The following BOLL variants were observed in gnomAD, a reference collection of about 807,000 sequenced individuals.
BOLL encodes protein boule-like.
BOLL carries 23 observed loss-of-function variants against 44.4 expected under a neutral mutation model. The observed-to-expected ratio is 0.52, with a 90% CI of 0.37 to 0.73. The LOEUF (loss-of-function observed/expected upper bound fraction) is 0.73. Ranked by LOEUF, BOLL falls within the 30% of genes least tolerant of loss-of-function variation. BOLL has a pLI of 0.00. For synonymous variants in BOLL, 97 were observed against 110.8 expected, an observed-to-expected ratio of 0.88 and a Z score of 0.78; for missense variants, 287 against 338.3, an observed-to-expected ratio of 0.85 and a Z score of 1.19.
chr2:197,729,146 G>A (rs1201443427), intron 10 of BOLL, among the ~76,000 whole-genome samples: 2 of 152,220 alleles, frequency 1.3e-5, no homozygotes, highest in Admixed American at 6.5e-5. Context: ...AGCAGGGCGA[G>A]GCATTGCCTC....
At chr2:197,742,700 A>G (rs1687806499) in intron 10 of BOLL, among the ~76,000 whole-genome samples, 1 of 152,200 alleles carries the variant, frequency 6.6e-6, no homozygotes, top group African/African-American at 2.4e-5. Flanking sequence ...GCATTAGGAG[A>G]TATGCCTAAT....
intron 6 of BOLL, among the ~76,000 whole-genome samples, chr2:197,770,743 A>G (rs1301124996): frequency 1.3e-5 from 2 of 152,216 alleles, no homozygotes; most frequent in East Asian, 1.9e-4. Flanking sequence ...AGACACATGA[A>G]AAAATGCTCA....
intron 10 of BOLL, among the ~76,000 whole-genome samples, chr2:197,729,123 G>C (rs185935372): frequency 5.3e-5 from 8 of 152,332 alleles, no homozygotes; most frequent in Admixed American, 2.6e-4. Context: ...TGCGTGCACC[G>C]TGCGCAAGCT....
At chr2:197,731,841 A>G (rs1559387571) in intron 10 of BOLL, among the ~76,000 whole-genome samples, 1 of 151,786 alleles carries the variant, frequency 6.6e-6, no homozygotes, top group Non-Finnish European at 1.5e-5. Context: ...TTATAGCACT[A>G]AATGCCCACA....
At chr2:197,770,673 A>G (rs1689204493) in intron 6 of BOLL, among the ~76,000 whole-genome samples, 1 of 152,222 alleles carries the variant, frequency 6.6e-6, no homozygotes, top group Non-Finnish European at 1.5e-5. Context: ...CAACCCCATC[A>G]AAAAGTGGGT....
chr2:197,770,251 T>G (rs1689182908), intron 6 of BOLL, among the ~76,000 whole-genome samples: 3 of 152,148 alleles, frequency 2.0e-5, no homozygotes, highest in Admixed American at 2.0e-4. Context: ...GGGGAAAGGA[T>G]TCCCTATTTA....
chr2:197,785,816 G>A (rs896543638), upstream of BOLL, among the ~76,000 whole-genome samples: 2 of 152,234 alleles, frequency 1.3e-5, no homozygotes, highest in South Asian at 2.1e-4. The surrounding 1 kb of genome is among the most constrained non-coding windows in gnomAD (Gnocchi z 6.7). Flanking sequence ...GTCTGCGGGC[G>A]GGTGGCTCCT....
chr2:197,729,653 C>T (rs1366901362), intron 10 of BOLL, among the ~76,000 whole-genome samples: 1 of 152,046 alleles, frequency 6.6e-6, no homozygotes, highest in Non-Finnish European at 1.5e-5. Flanking sequence ...GGGTCCCTGA[C>T]CCCTGACCCC....
intron 5 of BOLL, among the ~76,000 whole-genome samples, chr2:197,772,670 A>G (rs1355716886): frequency 2.0e-5 from 3 of 151,948 alleles, no homozygotes; most frequent in Non-Finnish European, 4.4e-5. Flanking sequence ...GCCAAGTTAT[A>G]TAAACCCCCA....
At chr2:197,760,618 C>A (rs1688713325) in intron 7 of BOLL, among the ~76,000 whole-genome samples, 1 of 152,174 alleles carries the variant, frequency 6.6e-6, no homozygotes, top group Admixed American at 6.5e-5. Context: ...GCAAGCCCAC[C>A]CCTGGCAAAG....
intron 5 of BOLL, among the ~76,000 whole-genome samples, chr2:197,773,544 A>G (rs372381005): frequency 4.0e-5 from 6 of 151,878 alleles, no homozygotes; most frequent in East Asian, 1.9e-4. Context: ...TATACAAAAC[A>G]TATATAAAAT....
upstream of BOLL, among the ~76,000 whole-genome samples, chr2:197,785,684 G>A (rs924211917): frequency 1.3e-5 from 2 of 152,300 alleles, no homozygotes; most frequent in East Asian, 1.9e-4. This position sits in a 1 kb window ranked among gnomAD's most constrained non-coding sequence, Gnocchi z 6.7. Flanking sequence ...CTCGGACTTC[G>A]CTGGGTGCCT....
rs374575690 is a variant in BOLL, at chr2:197,738,487, G to A, written c.828+4574C>T. Among the ~76,000 whole-genome samples, 30 of 152,196 alleles carry A rather than the reference G, an allele frequency of 2.0e-4. 1 individual carries two copies. In the South Asian group the frequency reaches 5.0e-3, roughly 25 times the overall value. On this transcript the variant is annotated intron_variant, in intron 10 of 10. Coordinates refer to ENST00000392296, the MANE Select transcript of BOLL (RefSeq NM_033030.6). ...ATATTGGTCTGTTTTGTATTTATTCGTTTTTGTATTTGATTTGACAGAGTA... is the reference window on the plus strand; with the variant it reads ...ATATTGGTCTGTTTTGTATTTATTCATTTTTGTATTTGATTTGACAGAGTA...
intron 10 of BOLL, among the ~76,000 whole-genome samples, chr2:197,737,424 G>A (rs1222867729): frequency 6.6e-6 from 1 of 151,982 alleles, no homozygotes; most frequent in Non-Finnish European, 1.5e-5. Flanking sequence ...GTCTAAGTGG[G>A]TGAGCATTTT....
intron 4 of BOLL, among the ~76,000 whole-genome samples, chr2:197,776,590 A>G (rs1007342574): frequency 6.6e-6 from 1 of 151,944 alleles, no homozygotes; most frequent in Admixed American, 6.6e-5. Context: ...GATTTTAATA[A>G]CATACAATTC....
chr2:197,770,042 A>G (rs1689168205), intron 6 of BOLL, among the ~76,000 whole-genome samples: 1 of 152,202 alleles, frequency 6.6e-6, no homozygotes, highest in African/African-American at 2.4e-5. Context: ...CACATTGCCA[A>G]GACAATCTTA....
At chr2:197,745,981 T>C (rs1327384510) in intron 9 of BOLL, among the ~76,000 whole-genome samples, 5 of 152,192 alleles carry the variant, frequency 3.3e-5, no homozygotes, top group African/African-American at 1.2e-4. Context: ...GGAGGTAGAA[T>C]TGATGGAGAA....
chr2:197,765,992 T>C (rs112450897), intron 7 of BOLL, among the ~76,000 whole-genome samples: 1,677 of 152,118 alleles, frequency 0.011, 40 homozygotes, highest in African/African-American at 0.038. Flanking sequence ...TAATGGCCTC[T>C]GGCTCCATCC....
intron 10 of BOLL, among the ~76,000 whole-genome samples, chr2:197,739,215 T>A (rs935072410): frequency 2.6e-5 from 4 of 152,120 alleles, no homozygotes; most frequent in Non-Finnish European, 5.9e-5. Flanking sequence ...ACTTTGGAAG[T>A]CTATTTTTTT....
Sources: gnomAD v4.1 joint callset for allele counts (sites outside exome capture counted in the v4.1 genomes callset) on GRCh38, gnomAD v4.1.1 for gene constraint, Gnocchi (gnomAD v3.1) non-coding constraint, MANE v1.5 for transcripts, NCBI Gene and HGNC (gene_info 2026-07-23, HGNC 2026-07-21) for gene names.